KIF5C: variants seen among roughly 807,000 people sequenced by gnomAD.
KIF5C encodes the protein kinesin family member 5C.
In KIF5C, 18 loss-of-function variants were observed where a neutral mutation model predicts 125.2. The observed-to-expected ratio is 0.14, with a 90% CI of 0.10 to 0.21. KIF5C has a LOEUF of 0.21. Among genes scored for constraint, KIF5C ranks in the 10% least tolerant of loss-of-function variants. The pLI, the probability that KIF5C is intolerant of heterozygous loss-of-function variation, is 1.00. For synonymous variants in KIF5C, 405 were observed against 434.0 expected, an observed-to-expected ratio of 0.93 and a Z score of 0.83; for missense variants, 780 against 1,183.8, an observed-to-expected ratio of 0.66 and a Z score of 5.01.
chr2:148,949,280 T>C (rs1044514369), intron 8 of KIF5C, among the ~76,000 whole-genome samples: 1 of 152,202 alleles, frequency 6.6e-6, no homozygotes, highest in African/African-American at 2.4e-5. Context: ...TTTTCATTTC[T>C]CTCCCAAGTT....
At chr2:149,003,785 G>A (rs1681922456) in intron 21 of KIF5C, among the ~76,000 whole-genome samples, 2 of 152,286 alleles carry the variant, frequency 1.3e-5, no homozygotes, top group East Asian at 3.9e-4. Context: ...CCAAACTCAG[G>A]ACTCTATATT....
chr2:148,895,845 GAC>G (rs1161081970), intron 1 of KIF5C, among the ~76,000 whole-genome samples: 4 of 41,778 alleles, frequency 9.6e-5, no homozygotes, highest in African/African-American at 2.6e-4. Context: ...TTTTCTGTGT[GAC>G]ACACACACAC....
intron 1 of KIF5C, chr2:148,884,012 AC>A (rs1681443983): frequency 6.6e-6 from 1 of 152,148 alleles, no homozygotes; most frequent in African/African-American, 2.4e-5. Flanking sequence ...TTCTCTGCTC[AC>A]CCCATGGAAC....
intron 23 of KIF5C, among the ~76,000 whole-genome samples, chr2:149,008,891 T>C (rs1406201180): frequency 6.6e-6 from 1 of 152,142 alleles, no homozygotes; most frequent in Non-Finnish European, 1.5e-5. Context: ...AAACAAATTG[T>C]CGATGAGAAA....
At chr2:148,952,282 C>A (rs143150940) in intron 10 of KIF5C, among the ~76,000 whole-genome samples, 2 of 152,288 alleles carry the variant, frequency 1.3e-5, no homozygotes, top group Non-Finnish European at 2.9e-5. Flanking sequence ...AAAATCCTTA[C>A]CAGCAAAGCA....
intron 15 of KIF5C, among the ~76,000 whole-genome samples, chr2:148,984,185 T>C (rs1316190872): frequency 6.6e-6 from 1 of 152,280 alleles, no homozygotes; most frequent in Admixed American, 6.5e-5. Context: ...AGTGATAGGA[T>C]TCTAACAGTG....
At chr2:148,950,066 G>A (rs1682622592) in intron 9 of KIF5C, 123 bp downstream of exon 9, 17 of 1,421,152 alleles carry the variant, frequency 1.2e-5, no homozygotes, top group South Asian at 1.5e-5. Flanking sequence ...AGGACAGAGG[G>A]AATCCTGGCT....
At chr2:148,949,505 C>G (rs1682606682) in intron 8 of KIF5C, among the ~76,000 whole-genome samples, 1 of 152,156 alleles carries the variant, frequency 6.6e-6, no homozygotes, top group African/African-American at 2.4e-5. Context: ...GACTGCGGCT[C>G]AGTCTCCCAG....
chr2:148,945,008 G>C (rs1682490265), intron 7 of KIF5C, among the ~76,000 whole-genome samples: 1 of 151,952 alleles, frequency 6.6e-6, no homozygotes, highest in African/African-American at 2.4e-5. Context: ...ATTTGTTGTT[G>C]TTGACTTGGA....
rs1682673852 is a variant in KIF5C at position 149,025,851 on chromosome 2, T to G, written c.*2781T>G. 2 of 152,688 alleles carry G rather than the reference T, an allele frequency of 1.3e-5. No individual in the cohort carries two copies. The highest frequency in any genetic ancestry group is 4.8e-5 in the African/African-American group (2 of 41,472). The allele number at this position is 152,688 out of a possible 1,614,324, so 9.5% of individuals were successfully genotyped here. On this transcript the variant is annotated 3_prime_UTR_variant, in exon 26 of 26. Coordinates refer to ENST00000435030, the MANE Select transcript of KIF5C (RefSeq NM_004522.3). ...TGTGCAAACATATCATCTCTTCAAA[T>G]GCTGCACACTTTGCTTTTGTTAAAC...
In KIF5C at chr2:148,981,514, A is replaced by G. The variant is rs1489235170; in HGVS notation, c.1522A>G (p.Lys508Glu). The G allele has an allele frequency of 6.2e-7, 1 of 1,606,388 alleles. No individual in the cohort carries two copies. Among genetic ancestry groups the G allele is most frequent in the Non-Finnish European group, 8.5e-7 (1 of 1,176,480 alleles). Residue 508 changes from lysine (K) to glutamate (E), a missense_variant, in exon 14 of 26, where the codon AAG becomes GAG. Around this residue, in one of 2 missense-constraint regions of KIF5C, gnomAD observed 573 missense variants for 742.6 expected, o/e 0.77. Coordinates refer to ENST00000435030, the MANE Select transcript of KIF5C (RefSeq NM_004522.3). Reference protein sequence around the residue: ...YDQKSQEVEDKTRANEQLTDE... With the variant: ...YDQKSQEVEDETRANEQLTDE... ...CCAGAAATCACAGGAAGTGGAGGATAAGACCCGGGCCAATGAGCAGCTGAC... is the reference window on the plus strand; with the variant it reads ...CCAGAAATCACAGGAAGTGGAGGATGAGACCCGGGCCAATGAGCAGCTGAC...
chr2:148,924,389 A>G lies in KIF5C; in HGVS notation c.217+2162A>G, dbSNP rs776265758. ...ACCAAGGAGCATTCCTTTCAAGTCC[A>G]TCTAAACTCTTAATGATTTGGAGCA... On this transcript the variant is annotated intron_variant, in intron 2 of 25. Transcript: ENST00000435030. This position sits in a 1 kb window ranked among gnomAD's most constrained non-coding sequence, Gnocchi z 4.0. Among the ~76,000 whole-genome samples the G allele has an allele frequency of 7.2e-5, 11 of 152,170 alleles. 1 individual carries two copies. The highest frequency in any genetic ancestry group is 7.2e-4 in the Admixed American group (11 of 15,278).
chr2:148,875,431 CCT>C lies in KIF5C; in HGVS notation c.-186_-185del. The C allele has an allele frequency of 3.6e-6, 2 of 555,534 alleles. No individual in the cohort carries two copies. The highest frequency in any genetic ancestry group is 6.3e-6 in the Non-Finnish European group (2 of 317,742). 34.4% of individuals were successfully genotyped at this position (555,534 alleles called of 1,614,324 possible). ...GGGGCCGGAGCGGAGAAGCTGCCCACCTTCCCGGGCTCGGAGCGGCCGGGGCT... is the reference window on the plus strand; with the variant it reads ...GGGGCCGGAGCGGAGAAGCTGCCCACTCCCGGGCTCGGAGCGGCCGGGGCT... On this transcript the variant is annotated 5_prime_UTR_variant, in exon 1 of 26. Coordinates refer to ENST00000435030, the MANE Select transcript of KIF5C (RefSeq NM_004522.3).
chr2:148,973,213 C>T (rs1197027510), intron 11 of KIF5C, 123 bp from the exon 12 acceptor site: 1 of 1,369,774 alleles, frequency 7.3e-7, no homozygotes, highest in Non-Finnish European at 9.7e-7. Context: ...TCTACCCACA[C>T]TACAGCCCTT....
At chr2:148,882,926 C>A (rs948763105) in intron 1 of KIF5C, among the ~76,000 whole-genome samples, 2 of 152,180 alleles carry the variant, frequency 1.3e-5, no homozygotes, top group African/African-American at 2.4e-5. Flanking sequence ...AGACCCGGAA[C>A]AAGGCCTAGA....
At chr2:148,936,745 A>G (rs1184643866) in intron 3 of KIF5C, among the ~76,000 whole-genome samples, 2 of 152,256 alleles carry the variant, frequency 1.3e-5, no homozygotes, top group African/African-American at 4.8e-5. Flanking sequence ...AGATTTTTAA[A>G]AGAAGTTGAT....
intron 11 of KIF5C, 122 bp from the exon 12 acceptor site, chr2:148,973,214 T>A: frequency 7.3e-7 from 1 of 1,374,028 alleles, no homozygotes; most frequent in East Asian, 2.5e-5. Context: ...CTACCCACAC[T>A]ACAGCCCTTT....
chr2:148,900,135 C>G (rs1016217647), intron 1 of KIF5C, among the ~76,000 whole-genome samples: 3 of 152,130 alleles, frequency 2.0e-5, no homozygotes, highest in Non-Finnish European at 4.4e-5. Context: ...TTTTTTTCCC[C>G]ATTTGACTTC....
At chr2:148,979,566 C>T (rs541054092) in intron 13 of KIF5C, among the ~76,000 whole-genome samples, 1 of 152,320 alleles carries the variant, frequency 6.6e-6, no homozygotes, top group South Asian at 2.1e-4. Flanking sequence ...AGCCACTGCA[C>T]CTGGCCTTGG....
Sources: allele counts gnomAD v4.1 joint callset (sites outside exome capture counted in the v4.1 genomes callset), GRCh38; gene constraint gnomAD v4.1.1; regional missense constraint gnomAD v4.1.1; non-coding constraint Gnocchi (gnomAD v3.1); transcripts MANE v1.5; gene names NCBI Gene and HGNC (gene_info 2026-07-23, HGNC 2026-07-21).